Variants in ARSB observed in about 807,000 individuals in gnomAD.
ARSB encodes the protein arylsulfatase B, also known as N-acetylgalactosamine-4-sulfatase.
In ARSB, 41 loss-of-function variants were observed where a neutral mutation model predicts 50.9. The observed-to-expected ratio is 0.81, with a 90% CI of 0.63 to 1.04. ARSB has a LOEUF of 1.04. Among genes scored for constraint, ARSB ranks in the 50% least tolerant of loss-of-function variants. ARSB has a pLI of 0.00. For missense variants in ARSB, 672 were observed against 693.3 expected (o/e 0.97, Z 0.35); for synonymous variants, 269 against 284.8 (o/e 0.94, Z 0.56).
chr5:78,812,592 AACACACACACACAC>A (rs66597603), intron 6 of ARSB, among the ~76,000 whole-genome samples: 9 of 144,262 alleles, frequency 6.2e-5, no homozygotes, highest in Admixed American at 2.1e-4. Context: ...ATTCTGTTCA[AACACACACACACAC>A]ACACACACAC....
chr5:78,803,254 C>T (rs756003348), intron 6 of ARSB, among the ~76,000 whole-genome samples: 1 of 152,190 alleles, frequency 6.6e-6, no homozygotes, highest in Non-Finnish European at 1.5e-5. Context: ...TCCCGACAGA[C>T]AATTCTCCCT....
At chr5:78,930,019 CCTCCAGCGA>C (rs1750246733) in intron 4 of ARSB, among the ~76,000 whole-genome samples, 1 of 152,118 alleles carries the variant, frequency 6.6e-6, no homozygotes, top group African/African-American at 2.4e-5. Flanking sequence ...CAGGCCACTC[CCTCCAGCGA>C]CTCACAGATG....
intron 6 of ARSB, chr5:78,816,062 T>C (rs1246272444): frequency 6.2e-7 from 1 of 1,614,082 alleles, no homozygotes; most frequent in Non-Finnish European, 8.5e-7. Flanking sequence ...TGGGTTATCA[T>C]CTTCAGTAGA....
At chr5:78,860,090 G>C (rs1746353883) in intron 5 of ARSB, among the ~76,000 whole-genome samples, 1 of 152,194 alleles carries the variant, frequency 6.6e-6, no homozygotes, top group Non-Finnish European at 1.5e-5. Context: ...TGAGAAGAAT[G>C]TATATTCTGT....
At chr5:78,980,815 G>A (rs1752872119) in intron 1 of ARSB, among the ~76,000 whole-genome samples, 1 of 151,662 alleles carries the variant, frequency 6.6e-6, no homozygotes, top group South Asian at 2.1e-4. Flanking sequence ...CCATGTGAAT[G>A]TATTTTCTAT....
intron 5 of ARSB, among the ~76,000 whole-genome samples, chr5:78,841,147 C>CTACTACTAG (rs1323957138): frequency 3.7e-5 from 4 of 107,684 alleles, no homozygotes; most frequent in Non-Finnish European, 8.0e-5. Context: ...ACTACTACTA[C>CTACTACTAG]TACTACTACT....
chr5:78,867,871 G>A (rs369458229), intron 5 of ARSB, among the ~76,000 whole-genome samples: 16,405 of 141,692 alleles, frequency 0.12, 1,097 homozygotes, highest in Middle Eastern at 0.21. Flanking sequence ...TCTGAGCTAC[G>A]GGAGGACATT....
intron 4 of ARSB, among the ~76,000 whole-genome samples, chr5:78,946,379 T>C (rs1475744667): frequency 6.6e-6 from 1 of 152,184 alleles, no homozygotes; most frequent in Non-Finnish European, 1.5e-5. Context: ...TTAGGACTGA[T>C]AAGCAAATTC....
At chr5:78,984,817 C>G (rs1389793962) in intron 1 of ARSB, 120 bp downstream of exon 1, 6 of 792,590 alleles carry the variant, frequency 7.6e-6, no homozygotes, top group East Asian at 8.7e-5. Context: ...GGACCCATAA[C>G]TGGGTCGGCG....
chr5:78,780,556 A>G lies in ARSB; in HGVS notation c.1443T>C (p.Pro481=). ...TLWLFDIDRD[P]EERHDLSREY... is the part of the protein sequence containing the mutation. ...CTCTGGACAGGTCATGTCTTTCTTC[A>G]GGGTCCCGATCAATATCAAAGAGCC... The change falls in exon 8 of 8, where the codon CCT becomes CCC. Residue 481 remains proline, a synonymous_variant. Coordinates refer to ENST00000264914, the MANE Select transcript of ARSB (RefSeq NM_000046.5). 1 of 1,614,142 alleles carries G rather than the reference A, an allele frequency of 6.2e-7. No homozygotes were observed. Among genetic ancestry groups the G allele is most frequent in the Non-Finnish European group, 8.5e-7 (1 of 1,180,016 alleles).
At chr5:78,895,634 T>G (rs1748529997) in intron 4 of ARSB, among the ~76,000 whole-genome samples, 1 of 152,222 alleles carries the variant, frequency 6.6e-6, no homozygotes, top group Admixed American at 6.5e-5. Context: ...AGAAAATTAT[T>G]ACAGGCTAAG....
chr5:78,868,078 T>C (rs1443935640), intron 5 of ARSB, among the ~76,000 whole-genome samples: 1 of 141,382 alleles, frequency 7.1e-6, no homozygotes, highest in Non-Finnish European at 1.5e-5. Context: ...GAAGATGAAA[T>C]GAATGAAATG....
intron 6 of ARSB, among the ~76,000 whole-genome samples, chr5:78,805,397 T>A (rs888126502): frequency 6.6e-5 from 10 of 152,230 alleles, no homozygotes; most frequent in African/African-American, 2.2e-4. Flanking sequence ...GAAAATTTAA[T>A]AAGATTAGAA....
intron 4 of ARSB, among the ~76,000 whole-genome samples, chr5:78,890,441 A>G (rs1391816580): frequency 6.6e-6 from 1 of 151,896 alleles, no homozygotes; most frequent in Non-Finnish European, 1.5e-5. Flanking sequence ...CACTACATTG[A>G]ATCATTTCTG....
chr5:78,800,107 C>G (rs1217841471), intron 6 of ARSB, among the ~76,000 whole-genome samples: 1 of 152,014 alleles, frequency 6.6e-6, no homozygotes, highest in Non-Finnish European at 1.5e-5. Flanking sequence ...CACTTGAGGT[C>G]AGGAGTTCAA....
At chr5:78,801,097 T>C (rs917690242) in intron 6 of ARSB, among the ~76,000 whole-genome samples, 1 of 152,192 alleles carries the variant, frequency 6.6e-6, no homozygotes, top group South Asian at 2.1e-4. Context: ...CTTTATTCAG[T>C]AGGTACTTGG....
At chr5:78,830,276 G>A (rs1383432652) in intron 6 of ARSB, among the ~76,000 whole-genome samples, 2 of 152,168 alleles carry the variant, frequency 1.3e-5, no homozygotes, top group Non-Finnish European at 2.9e-5. Context: ...TGGAGTTATG[G>A]GCCACTAACC....
chr5:78,781,133 G>A (rs930401934), intron 7 of ARSB, among the ~76,000 whole-genome samples: 1 of 152,054 alleles, frequency 6.6e-6, no homozygotes, highest in Non-Finnish European at 1.5e-5. Flanking sequence ...ATAATCAGAG[G>A]AGCAACCTCC....
intron 5 of ARSB, among the ~76,000 whole-genome samples, chr5:78,841,162 C>CTAA (rs1427792909): frequency 8.1e-4 from 79 of 97,674 alleles, no homozygotes; most frequent in Non-Finnish European, 1.3e-3. Context: ...ACTACTACTA[C>CTAA]TACTACTAAT....
Sources: gnomAD v4.1 joint callset for allele counts (sites outside exome capture counted in the v4.1 genomes callset) on GRCh38, gnomAD v4.1.1 for gene constraint, MANE v1.5 for transcripts, NCBI Gene and HGNC (gene_info 2026-07-23, HGNC 2026-07-21) for gene names.